MUC4: variants seen among roughly 807,000 people sequenced by gnomAD.
The protein encoded by MUC4 is mucin-4.
Under a neutral mutation model 257.9 loss-of-function variants are expected in MUC4, and 202 were observed. The ratio of observed to expected loss-of-function variants is 0.78; its 90% CI spans 0.70 to 0.88. The LOEUF (loss-of-function observed/expected upper bound fraction) is 0.88, where lower values mean the gene tolerates loss of function less well. Among genes scored for constraint, MUC4 ranks in the 40% least tolerant of loss-of-function variants. MUC4 has a pLI of 0.00. For synonymous variants in MUC4, 2,351 were observed against 2,757.1 expected, an observed-to-expected ratio of 0.85 and a Z score of 4.62; for missense variants, 5,976 against 6,513.7, an observed-to-expected ratio of 0.92 and a Z score of 2.84.
Position 195,762,844 on chromosome 3 carries a change from C to A in MUC4, c.14344+11G>T. 1 of 1,549,222 alleles carries A rather than the reference C, an allele frequency of 6.5e-7. No homozygotes were observed. The highest frequency in any genetic ancestry group is 2.4e-5 in the East Asian group (1 of 41,020). ...GTGCGGGGAGGGGGCGGCCGGCGCT[C>A]CCCAACCTACCTCCGCCGTCTTCAT... On this transcript the variant is annotated intron_variant, in intron 13 of 24. Coordinates refer to ENST00000463781, the MANE Select transcript of MUC4 (RefSeq NM_018406.7).
At chr3:195,808,684 G>C (rs1407260775) in intron 1 of MUC4, among the ~76,000 whole-genome samples, 1 of 152,232 alleles carries the variant, frequency 6.6e-6, no homozygotes, top group Non-Finnish European at 1.5e-5. Context: ...GGACCTCTGA[G>C]TTTCAGCCCC....
intron 7 of MUC4, among the ~76,000 whole-genome samples, chr3:195,767,928 C>CCAACACTACCACCAT (rs1560266716): frequency 2.4e-5 from 3 of 124,164 alleles, no homozygotes; most frequent in Non-Finnish European, 3.5e-5. Context: ...ACTGCCACCT[C>CCAACACTACCACCAT]CACCGCCACT....
chr3:195,783,350 A>AG lies in MUC4; in HGVS notation c.8229dup (p.Ser2744LeufsTer6). The AG allele has an allele frequency of 9.6e-7, 1 of 1,043,768 alleles. No homozygotes were observed. Among genetic ancestry groups the AG allele is most frequent in the Non-Finnish European group, 1.3e-6 (1 of 752,824 alleles). 64.7% of individuals were successfully genotyped at this position (1,043,768 alleles called of 1,614,324 possible). A position where few individuals can be genotyped will look rare whatever the true frequency, so the allele number is the denominator to read the frequency against. On this transcript the variant is annotated frameshift_variant, in exon 2 of 25. Transcript: ENST00000463781. LOFTEE classifies it high-confidence loss of function. Reference sequence around the variant, plus strand: ...GGGGTGGTGTCACCTGTGGATACTGAGGAAGTCTCGGTGACAAGAAGAGGG... The same window carrying AG: ...GGGGTGGTGTCACCTGTGGATACTGAGGGAAGTCTCGGTGACAAGAAGAGGG...
At chr3:195,765,518 G>A (rs1720265415) in intron 8 of MUC4, 69 bp from the exon 9 acceptor site, 9 of 1,490,324 alleles carry the variant, frequency 6.0e-6, no homozygotes, top group Admixed American at 2.1e-5. Flanking sequence ...TCAGCTTTAG[G>A]GTCAACCAAA....
rs1227558067 is a variant in MUC4, at chr3:195,789,460, TG to T, written c.2119del (p.Gln707ArgfsTer38). On this transcript the variant is annotated frameshift_variant, in exon 2 of 25. Coordinates refer to ENST00000463781, the MANE Select transcript of MUC4 (RefSeq NM_018406.7). LOFTEE classifies it high-confidence loss of function. ...PAPTGDGHTT[Q>X]APTTALQAAP... ...TGCCTGCAGTGCTGTGGTCGGGGCC[TG>T]GGTTGTGTGACCATCCCCGGTGGGA... 20 of 1,613,816 alleles carry T rather than the reference TG, an allele frequency of 1.2e-5. No homozygotes were observed. Among genetic ancestry groups the T allele is most frequent in the Non-Finnish European group, 1.7e-5 (20 of 1,179,876 alleles).
In MUC4 at chr3:195,749,026, C is replaced by T. The variant is rs1715776041; in HGVS notation, c.15910G>A (p.Gly5304Ser). The T allele has an allele frequency of 1.9e-6, 3 of 1,609,080 alleles. No homozygotes were observed. The highest frequency in any genetic ancestry group is 2.5e-6 in the Non-Finnish European group (3 of 1,177,630). The change falls in exon 24 of 25, where the codon GGC becomes AGC. Residue 5304 changes from glycine (G) to serine (S), a missense_variant. By Grantham distance (56) the Gly-to-Ser change is moderately conservative (BLOSUM62 0). Around this residue, in one of 44 missense-constraint regions of MUC4, gnomAD observed 310 missense variants for 242.1 expected, o/e 1.28. Coordinates refer to ENST00000463781, the MANE Select transcript of MUC4 (RefSeq NM_018406.7). ...STLKAYFRCD[G>S]YKGYDLVYSP... ...TAGACCAGGTCGTAGCCCTTGTAGC[C>T]ATCGCATCTGAAGTAAGCCTTCAGC...
At position 195,767,762 on chromosome 3, in the gene MUC4, A is replaced by G. The variant is rs1385287563; in HGVS notation, c.13530-1011T>C. Among the ~76,000 whole-genome samples the G allele has an allele frequency of 7.7e-4, 74 of 95,726 alleles. 1 individual carries two copies. Among genetic ancestry groups the G allele is most frequent in the African/African-American group, 1.8e-3 (41 of 22,306 alleles). 62.8% of individuals were successfully genotyped at this position (95,726 alleles called of 152,430 possible). A position where few individuals can be genotyped will look rare whatever the true frequency, so the allele number is the denominator to read the frequency against. On this transcript the variant is annotated intron_variant, in intron 7 of 24. Coordinates refer to ENST00000463781, the MANE Select transcript of MUC4 (RefSeq NM_018406.7). Reference sequence around the variant, plus strand: ...CATCACCATCGCCACCACCACCATCACCACCACCACCACCATCACCACCAT... The same window carrying G: ...CATCACCATCGCCACCACCACCATCGCCACCACCACCACCATCACCACCAT...
In MUC4 at chr3:195,764,065, G is replaced by A; in HGVS notation, c.14024C>T (p.Thr4675Ile). 1.9e-6 allele frequency: 3 copies of A among 1,610,988 alleles called. No individual in the cohort carries two copies. The highest frequency in any genetic ancestry group is 2.5e-6 in the Non-Finnish European group (3 of 1,179,228). The change falls in exon 11 of 25, where the codon ACA becomes ATA. Residue 4675 changes from threonine (T) to isoleucine (I), a missense_variant. Coordinates refer to ENST00000463781, the MANE Select transcript of MUC4 (RefSeq NM_018406.7). The part of the protein sequence containing the change: ...QQRRPHVGCA[T>I]YRPPQPAWMF... Reference sequence around the variant, plus strand: ...CTCACCGGGCTGTGGGGGCCTGTATGTAGCACAGCCCACGTGGGGCCGCCT... The same window carrying A: ...CTCACCGGGCTGTGGGGGCCTGTATATAGCACAGCCCACGTGGGGCCGCCT...
Position 195,778,452 on chromosome 3 carries a change from A to G in MUC4, c.12794T>C (p.Met4265Thr), listed in dbSNP as rs1171420896. 1.2e-6 allele frequency: 2 copies of G among 1,612,008 alleles called. No individual in the cohort carries two copies. The highest frequency in any genetic ancestry group is 1.1e-5 in the South Asian group (1 of 90,940). ...DSPLKMETPG[M>T]TTPSLKTDGG... ...GTCTGTCTTCAGTGACGGTGTTGTC[A>G]TTCCTGGACACGTGAAAAGACAAGG... The change falls in exon 3 of 25, where the codon ATG becomes ACG. Residue 4265 changes from methionine to threonine, a missense_variant. Transcript: ENST00000463781.
chr3:195,749,100 C>T (rs1164215859), intron 23 of MUC4, 36 bp from the exon 24 acceptor site: 1 of 1,601,920 alleles, frequency 6.2e-7, no homozygotes, highest in Non-Finnish European at 8.5e-7. Flanking sequence ...CAGAAAGCAA[C>T]CGATGAACAC....
chr3:195,778,565 C>T, intron 2 of MUC4, 110 bp from the exon 3 acceptor site: 2 of 1,420,812 alleles, frequency 1.4e-6, no homozygotes, highest in South Asian at 2.6e-5. Context: ...AACTCCTTGT[C>T]TCTCCCCTGC....
rs1291774145 is a variant in MUC4 at position 195,767,713 on chromosome 3, G to T, written c.13530-962C>A. 5.4e-3 allele frequency among the ~76,000 whole-genome samples: 8 copies of T among 1,488 alleles called. 1 individual carries two copies. Among genetic ancestry groups the T allele is most frequent in the African/African-American group, 0.017 (8 of 464 alleles). 1.0% of individuals were successfully genotyped at this position (1,488 alleles called of 152,430 possible). ...CCACCCCCCAAAAAATACCACCATC[G>T]GCCACCACCACCATCACCACCACCA... On this transcript the variant is annotated intron_variant, in intron 7 of 24. Transcript: ENST00000463781.
rs2148731404 is a variant in MUC4, at chr3:195,746,976, G to A, written c.*200C>T. 2.6e-6 allele frequency: 2 copies of A among 776,258 alleles called. No individual in the cohort carries two copies. The highest frequency in any genetic ancestry group is 2.9e-5 in the Admixed American group (1 of 34,896). 48.1% of individuals were successfully genotyped at this position (776,258 alleles called of 1,614,324 possible). On this transcript the variant is annotated 3_prime_UTR_variant, in exon 25 of 25. Coordinates refer to ENST00000463781, the MANE Select transcript of MUC4 (RefSeq NM_018406.7). ...CGTGAGGACCCATCCATGCATGTTT[G>A]ATCTTTATGGCCTCCCCCTGTGCAC...
In MUC4 at chr3:195,782,128, G is replaced by T. The variant is rs766211196; in HGVS notation, c.9452C>A (p.Thr3151Asn). Residue 3151 changes from threonine to asparagine, a missense_variant, in exon 2 of 25, where the codon ACC (threonine) becomes AAC (asparagine). Physicochemically the swap from Thr to Asn is moderately conservative, Grantham distance 65 (BLOSUM62 0). Coordinates refer to ENST00000463781, the MANE Select transcript of MUC4 (RefSeq NM_018406.7). Reference sequence around the variant, plus strand: ...GGAAGTGTCGGTGACAGGAAGAGGGGTGGTGTCACCTGTGGATGCTGAGGA... The same window carrying T: ...GGAAGTGTCGGTGACAGGAAGAGGGTTGGTGTCACCTGTGGATGCTGAGGA... ...STSSASTGDT[T>N]PLPVTDTSSA... The T allele has an allele frequency of 1.0e-4, 141 of 1,366,916 alleles. 1 individual carries two copies. In the South Asian group the frequency reaches 1.6e-3, roughly 16 times the overall value. 84.7% of individuals were successfully genotyped at this position (1,366,916 alleles called of 1,614,324 possible).
intron 18 of MUC4, among the ~76,000 whole-genome samples, chr3:195,756,800 C>T (rs1484883280): frequency 6.6e-6 from 1 of 151,972 alleles, no homozygotes; most frequent in Non-Finnish European, 1.5e-5. Flanking sequence ...GTAGCTGGGA[C>T]TACAGGCGCC....
rs2550261 is a variant in MUC4 at position 195,763,413 on chromosome 3, T to C, written c.14253+20A>G. On this transcript the variant is annotated intron_variant, in intron 12 of 24. Transcript: ENST00000463781. ...CCCTGTGGGTGGAATGCAGGGAGGTTCCCGGCACCCCTCACTCACCGTGAC... is the reference window on the plus strand; with the variant it reads ...CCCTGTGGGTGGAATGCAGGGAGGTCCCCGGCACCCCTCACTCACCGTGAC... 1,014,176 of 1,394,004 alleles carry C rather than the reference T, an allele frequency of 0.73. 372,191 individuals carry two copies. Among genetic ancestry groups the C allele is most frequent in the East Asian group, 0.81 (28,767 of 35,314 alleles). The allele number at this position is 1,394,004 out of a possible 1,614,324, so 86.4% of individuals were successfully genotyped here.
intron 7 of MUC4, 75 bp from the exon 8 acceptor site, chr3:195,766,826 T>A: frequency 7.4e-7 from 1 of 1,358,020 alleles, no homozygotes. Flanking sequence ...CGTCCATTCA[T>A]CCCGCTAGCC....
At position 195,779,007 on chromosome 3, in the gene MUC4, G is replaced by T. The variant is rs1411898395; in HGVS notation, c.12573C>A (p.Thr4191=). The change falls in exon 2 of 25, where the codon ACC becomes ACA. Residue 4191 remains threonine, a synonymous_variant. Transcript: ENST00000463781. ...STSSASTGDT[T]PLPVTDTSSA... ...AGGAAGTGTCGGTGACAGGAAGAGG[G>T]GTGGTGTCACCTGTGGATGCTGAGG... 2 of 1,354,058 alleles carry T rather than the reference G, an allele frequency of 1.5e-6. No homozygotes were observed. Among genetic ancestry groups the T allele is most frequent in the Non-Finnish European group, 1.9e-6 (2 of 1,033,416 alleles). The allele number at this position is 1,354,058 out of a possible 1,614,324, so 83.9% of individuals were successfully genotyped here.
chr3:195,780,251 G>A lies in MUC4; in HGVS notation c.11329C>T (p.Leu3777Phe). Residue 3777 changes from leucine to phenylalanine, a missense_variant, in exon 2 of 25, where the codon CTT becomes TTT. Physicochemically the swap from Leu to Phe is conservative, Grantham distance 22. Coordinates refer to ENST00000463781, the MANE Select transcript of MUC4 (RefSeq NM_018406.7). Reference sequence around the variant, plus strand: ...GCTGAGGAAGCGTCGGTGACAGGAAGAGGCGTGGCGTGACCTGTGGACACT... The same window carrying A: ...GCTGAGGAAGCGTCGGTGACAGGAAAAGGCGTGGCGTGACCTGTGGACACT... ...SSVSTGHATPLPVTDASSAST... is the reference protein window; with the variant it reads ...SSVSTGHATPFPVTDASSAST... 5.2e-6 allele frequency: 8 copies of A among 1,524,588 alleles called. No homozygotes were observed. Among genetic ancestry groups the A allele is most frequent in the Non-Finnish European group, 7.1e-6 (8 of 1,128,032 alleles). The allele number at this position is 1,524,588 out of a possible 1,614,324, so 94.4% of individuals were successfully genotyped here.
Sources: allele counts gnomAD v4.1 joint callset (sites outside exome capture counted in the v4.1 genomes callset), GRCh38; gene constraint gnomAD v4.1.1; regional missense constraint gnomAD v4.1.1; transcripts MANE v1.5; gene names NCBI Gene and HGNC (gene_info 2026-07-23, HGNC 2026-07-21).